ARB2A: variants seen among roughly 807,000 people sequenced by gnomAD.
The protein encoded by ARB2A is cotranscriptional regulator ARB2A.
the ARB2A span, chr5:93,862,890 C>A: frequency 6.6e-6 from 1 of 152,164 alleles, no homozygotes; most frequent in Non-Finnish European, 1.5e-5. Flanking sequence ...TCTTAAAAAA[C>A]CATTATAAAT....
At chr5:94,035,706 G>C in the ARB2A span, among the ~76,000 whole-genome samples, 11 of 152,246 alleles carry the variant, frequency 7.2e-5, no homozygotes, top group African/African-American at 2.2e-4. Flanking sequence ...GTCCTTTGCA[G>C]GGACACGGGT....
the ARB2A span, among the ~76,000 whole-genome samples, chr5:94,069,989 T>C: frequency 2.8e-4 from 42 of 152,296 alleles, 1 homozygote; most frequent in Admixed American, 2.7e-3. Flanking sequence ...TTGCATTGCA[T>C]GTTTATTGCA....
chr5:94,009,700 T>C, the ARB2A span, among the ~76,000 whole-genome samples: 11 of 152,032 alleles, frequency 7.2e-5, no homozygotes, highest in African/African-American at 2.7e-4. Context: ...ATCTGAAGCA[T>C]TTTTAAAATA....
At chr5:93,799,439 C>T in the ARB2A span, among the ~76,000 whole-genome samples, 137 of 152,218 alleles carry the variant, frequency 9.0e-4, 1 homozygote, top group Middle Eastern at 3.4e-3. Context: ...CATACTATAG[C>T]CTTCACATTA....
chr5:93,989,349 T>A, the ARB2A span, among the ~76,000 whole-genome samples: 1 of 152,176 alleles, frequency 6.6e-6, no homozygotes, highest in African/African-American at 2.4e-5. Flanking sequence ...ATATGTGATT[T>A]CTATCTGTGA....
At chr5:93,628,052 A>ATTT in the ARB2A span, among the ~76,000 whole-genome samples, 7 of 68,300 alleles carry the variant, frequency 1.0e-4, no homozygotes, top group Non-Finnish European at 1.7e-4. Flanking sequence ...ATGTAGCATA[A>ATTT]TTTTTTTTTT....
At chr5:93,713,698 C>T in the ARB2A span, among the ~76,000 whole-genome samples, 2 of 152,058 alleles carry the variant, frequency 1.3e-5, no homozygotes, top group Admixed American at 1.3e-4. Flanking sequence ...AGGTATATGC[C>T]CCAAAGAAAG....
the ARB2A span, among the ~76,000 whole-genome samples, chr5:94,066,422 G>GCACACACACACACA: frequency 7.6e-6 from 1 of 132,438 alleles, no homozygotes; most frequent in Non-Finnish European, 1.6e-5. Context: ...GCCAGACTAA[G>GCACACACACACACA]CACACACACA....
chr5:93,637,321 C>T, the ARB2A span, among the ~76,000 whole-genome samples: 1 of 147,562 alleles, frequency 6.8e-6, no homozygotes, highest in Non-Finnish European at 1.5e-5. Context: ...TAACCATAAC[C>T]ATTCTCCTGT....
At chr5:93,908,946 T>C in the ARB2A span, among the ~76,000 whole-genome samples, 1 of 151,010 alleles carries the variant, frequency 6.6e-6, no homozygotes, top group Non-Finnish European at 1.5e-5. Flanking sequence ...GAATTTATCT[T>C]CTAAGAATGC....
the ARB2A span, among the ~76,000 whole-genome samples, chr5:93,807,480 C>G: frequency 1.3e-5 from 2 of 151,862 alleles, no homozygotes; most frequent in Non-Finnish European, 2.9e-5. Context: ...GAAAATCATC[C>G]TGGACCACTG....
At chr5:93,740,707 G>A in the ARB2A span, 7 of 1,613,622 alleles carry the variant, frequency 4.3e-6, no homozygotes, top group Non-Finnish European at 5.1e-6. Context: ...TGGTGCTCCT[G>A]GGCAAGGAGG....
At chr5:93,774,081 C>G in the ARB2A span, among the ~76,000 whole-genome samples, 1 of 152,308 alleles carries the variant, frequency 6.6e-6, no homozygotes, top group African/African-American at 2.4e-5. Context: ...CGGCCTTGAT[C>G]AGTCATCTTG....
the ARB2A span, among the ~76,000 whole-genome samples, chr5:93,931,754 T>C: frequency 6.6e-6 from 1 of 152,060 alleles, no homozygotes; most frequent in Non-Finnish European, 1.5e-5. Context: ...AAAAAAATAC[T>C]ACCAGAACCT....
the ARB2A span, among the ~76,000 whole-genome samples, chr5:93,655,448 GTATC>G: frequency 6.6e-6 from 1 of 152,080 alleles, no homozygotes. Context: ...CTGTCACTAA[GTATC>G]TGAGTCCTTA....
the ARB2A span, among the ~76,000 whole-genome samples, chr5:94,086,789 G>A: frequency 2.0e-5 from 3 of 152,148 alleles, no homozygotes; most frequent in Admixed American, 6.5e-5. Flanking sequence ...CTGACCTCTG[G>A]TGATCCACAA....
chr5:93,835,301 G>A, the ARB2A span, among the ~76,000 whole-genome samples: 2 of 152,160 alleles, frequency 1.3e-5, no homozygotes, highest in Non-Finnish European at 2.9e-5. Context: ...GCATATTTGT[G>A]TAATTATTTT....
At chr5:93,991,389 C>G in the ARB2A span, among the ~76,000 whole-genome samples, 1 of 152,016 alleles carries the variant, frequency 6.6e-6, no homozygotes. Context: ...TGACCACCAT[C>G]CAATACAAAT....
the ARB2A span, among the ~76,000 whole-genome samples, chr5:93,799,207 G>A: frequency 1.3e-5 from 2 of 152,054 alleles, no homozygotes; most frequent in Non-Finnish European, 2.9e-5. Context: ...CCATTCTGAA[G>A]CAAAGATGTT....
Sources: allele counts gnomAD v4.1 joint callset (sites outside exome capture counted in the v4.1 genomes callset), GRCh38; gene constraint gnomAD v4.1.1; transcripts MANE v1.5; gene names NCBI Gene and HGNC (gene_info 2026-07-23, HGNC 2026-07-21).